INPP4A: variants seen among roughly 807,000 people sequenced by gnomAD.
INPP4A encodes the protein inositol polyphosphate-4-phosphatase type I A.
A neutral mutation model predicts 119.8 loss-of-function variants in INPP4A; 33 were observed. The observed-to-expected ratio is 0.28, with a 90% confidence interval of 0.21 to 0.37. INPP4A has a LOEUF of 0.37. Among genes scored for constraint, INPP4A ranks in the 10% least tolerant of loss-of-function variants. The probability of loss-of-function intolerance (pLI) is 1.00; values close to 1 mark genes in which losing one functional copy is unlikely to be tolerated. For synonymous variants in INPP4A, 496 were observed against 500.7 expected, an observed-to-expected ratio of 0.99 and a Z score of 0.12; for missense variants, 956 against 1,289.9, an observed-to-expected ratio of 0.74 and a Z score of 3.97.
intron 4 of INPP4A, among the ~76,000 whole-genome samples, chr2:98,531,527 C>G (rs996598640): frequency 6.6e-6 from 1 of 152,072 alleles, no homozygotes; most frequent in Admixed American, 6.5e-5. Context: ...ATTCGCAGAA[C>G]AAATAAAAAC....
intron 4 of INPP4A, among the ~76,000 whole-genome samples, chr2:98,531,091 C>T (rs553508304): frequency 1.6e-4 from 24 of 152,324 alleles, no homozygotes; most frequent in Non-Finnish European, 2.6e-4. Context: ...ACTCTACCCT[C>T]ATGACTTAAT....
intron 24 of INPP4A, among the ~76,000 whole-genome samples, chr2:98,579,250 C>G (rs930662499): frequency 2.0e-5 from 3 of 152,120 alleles, no homozygotes; most frequent in African/African-American, 7.2e-5. Context: ...GGGGTTTGGC[C>G]ATGTTGGCCG....
chr2:98,561,110 AC>A (rs1269154053), intron 17 of INPP4A, among the ~76,000 whole-genome samples: 1 of 152,130 alleles, frequency 6.6e-6, no homozygotes, highest in African/African-American at 2.4e-5. Flanking sequence ...TCCCTCCCCT[AC>A]TGATGAGGGG....
Position 98,591,973 on chromosome 2 carries a change from A to G in INPP4A, c.*4365A>G, listed in dbSNP as rs545745730. On this transcript the variant is annotated 3_prime_UTR_variant, in exon 25 of 25. Transcript: ENST00000409851. ...GCAGTGTGACCTCTTTGGTCACTCT[A>G]AAGGGCTGCCAGCATTTCTCTTAAG... The G allele has an allele frequency of 6.6e-6, 1 of 152,404 alleles. No individual in the cohort carries two copies. Among genetic ancestry groups the G allele is most frequent in the African/African-American group, 2.4e-5 (1 of 41,536 alleles). 9.4% of individuals were successfully genotyped at this position (152,404 alleles called of 1,614,324 possible). A position where few individuals can be genotyped will look rare whatever the true frequency, so the allele number is the denominator to read the frequency against.
At chr2:98,476,635 A>G (rs548877627) in intron 1 of INPP4A, among the ~76,000 whole-genome samples, 3 of 152,144 alleles carry the variant, frequency 2.0e-5, no homozygotes, top group East Asian at 1.9e-4. Flanking sequence ...GAGGGGAGTG[A>G]TGGGCATTCT....
chr2:98,586,248 AAAT>A (rs1477752755), intron 24 of INPP4A, among the ~76,000 whole-genome samples: 1 of 152,220 alleles, frequency 6.6e-6, no homozygotes, highest in African/African-American at 2.4e-5. Flanking sequence ...TTTGAATAAA[AAAT>A]ACTGTCTTAC....
intron 10 of INPP4A, among the ~76,000 whole-genome samples, chr2:98,542,464 G>A (rs1691648007): frequency 6.6e-6 from 1 of 151,948 alleles, no homozygotes; most frequent in South Asian, 2.1e-4. Context: ...AAAACAACTC[G>A]GGGCTCTACT....
In INPP4A at chr2:98,539,583, T is replaced by C. The variant is rs2105994194; in HGVS notation, c.726T>C (p.His242=). 1 of 1,612,410 alleles carries C rather than the reference T, an allele frequency of 6.2e-7. No individual in the cohort carries two copies. The highest frequency in any genetic ancestry group is 1.1e-5 in the South Asian group (1 of 90,864). ...MYRFPTTDGN[H]LRILEQMAES... ...GGTTTCCAACCACTGATGGTAACCA[T>C]TTGCGGATCCTGGAGCAGATGGCAG... is the stretch of plus-strand genomic sequence containing the variant. Residue 242 remains histidine (H), a synonymous_variant, in exon 10 of 25, where the codon CAT becomes CAC. Transcript: ENST00000409851.
chr2:98,448,853 C>T (rs1694735360), intron 1 of INPP4A, among the ~76,000 whole-genome samples: 1 of 152,044 alleles, frequency 6.6e-6, no homozygotes, highest in African/African-American at 2.4e-5. Context: ...TAGGTGTGTG[C>T]CATTGCACCT....
intron 1 of INPP4A, among the ~76,000 whole-genome samples, chr2:98,492,471 G>T (rs1374690748): frequency 6.6e-6 from 1 of 152,190 alleles, no homozygotes; most frequent in Non-Finnish European, 1.5e-5. Context: ...TGGCTCTATT[G>T]ATGTGCTACC....
intron 9 of INPP4A, 46 bp from the exon 10 acceptor site, chr2:98,539,482 G>C: frequency 6.3e-7 from 1 of 1,581,274 alleles, no homozygotes; most frequent in South Asian, 1.1e-5. Flanking sequence ...AGGCAGGTCT[G>C]CAGCCAGTTC....
chr2:98,451,559 C>G (rs1217273608), intron 1 of INPP4A, among the ~76,000 whole-genome samples: 8 of 152,096 alleles, frequency 5.3e-5, no homozygotes, highest in Admixed American at 5.2e-4. Context: ...CAGCGCCCCT[C>G]TTTTTGCACC....
chr2:98,544,073 TCACTCA>T, intron 11 of INPP4A, 66 bp downstream of exon 11: 2 of 1,380,054 alleles, frequency 1.4e-6, no homozygotes, highest in Non-Finnish European at 2.0e-6. Context: ...ACTCTCACTC[TCACTCA>T]GTCACTCCCT....
At chr2:98,458,290 G>C (rs1696513025) in intron 1 of INPP4A, among the ~76,000 whole-genome samples, 1 of 152,040 alleles carries the variant, frequency 6.6e-6, no homozygotes. Context: ...GTTGCAGTGA[G>C]CTATGATTGT....
At chr2:98,568,786 T>C in intron 22 of INPP4A, 118 bp downstream of exon 22, 1 of 663,940 alleles carries the variant, frequency 1.5e-6, no homozygotes, top group Non-Finnish European at 2.8e-6. Context: ...GTGTGCACTG[T>C]TCCCTTTCTC....
At position 98,490,580 on chromosome 2, in the gene INPP4A, A is replaced by G. The variant is rs944746886; in HGVS notation, c.-165-28384A>G. Among the ~76,000 whole-genome samples the G allele has an allele frequency of 2.0e-5, 3 of 152,172 alleles. No individual in the cohort carries two copies. The South Asian group carries it at 6.2e-4, about 31-fold the overall frequency. ...TTGACACTTCACTGGTTCATATGTG[A>G]CATACTCCAGAGGTATTTGCGACCT... On this transcript the variant is annotated intron_variant, in intron 1 of 24. Transcript: ENST00000409851.
chr2:98,461,716 G>T (rs1381455615), intron 1 of INPP4A, among the ~76,000 whole-genome samples: 2 of 152,196 alleles, frequency 1.3e-5, no homozygotes, highest in Non-Finnish European at 2.9e-5. Flanking sequence ...ATGCCAGCAG[G>T]CCTGCATGTG....
chr2:98,539,718 C>A, intron 10 of INPP4A, 43 bp downstream of exon 10: 1 of 1,566,258 alleles, frequency 6.4e-7, no homozygotes, highest in South Asian at 1.2e-5. Flanking sequence ...ATACCCATGT[C>A]ATGTGCCCCT....
chr2:98,477,230 CCCGGATGGT>C (rs1424475769), intron 1 of INPP4A, among the ~76,000 whole-genome samples: 3 of 152,192 alleles, frequency 2.0e-5, no homozygotes. Context: ...GGGGTTGGAG[CCCGGATGGT>C]CTGGCTCTGG....
Sources: allele counts gnomAD v4.1 joint callset (sites outside exome capture counted in the v4.1 genomes callset), GRCh38; gene constraint gnomAD v4.1.1; transcripts MANE v1.5; gene names NCBI Gene and HGNC (gene_info 2026-07-23, HGNC 2026-07-21).